Variants in TMEM140 observed in about 807,000 individuals in gnomAD.
TMEM140 encodes transmembrane protein 140.
For synonymous variants in TMEM140, 107 were observed against 106.8 expected (o/e 1.00, Z -0.01); for missense variants, 236 against 228.5 (o/e 1.03, Z -0.21).
intron 1 of TMEM140, among the ~76,000 whole-genome samples, chr7:135,163,698 T>C (rs1038110506): frequency 6.6e-6 from 1 of 152,208 alleles, no homozygotes; most frequent in South Asian, 2.1e-4. Flanking sequence ...CATACTACCA[T>C]TGTCAGGAAA....
chr7:135,157,826 C>A (rs1463528567), intron 1 of TMEM140, among the ~76,000 whole-genome samples: 2 of 152,304 alleles, frequency 1.3e-5, no homozygotes, highest in African/African-American at 4.8e-5. Flanking sequence ...ACCAGGGTGG[C>A]AGCTGCAGCC....
intron 1 of TMEM140, among the ~76,000 whole-genome samples, chr7:135,156,386 T>A (rs557627907): frequency 1.3e-5 from 2 of 152,264 alleles, no homozygotes; most frequent in African/African-American, 4.8e-5. Flanking sequence ...CTCAAAGGCT[T>A]TATTCATTCT....
At chr7:135,155,316 C>A (rs1254916238) in intron 1 of TMEM140, among the ~76,000 whole-genome samples, 1 of 152,118 alleles carries the variant, frequency 6.6e-6, no homozygotes, top group Non-Finnish European at 1.5e-5. Flanking sequence ...AGCATTTAAT[C>A]CATTTACATT....
At position 135,156,032 on chromosome 7, in the gene TMEM140, G is replaced by GT. The variant is rs34544342; in HGVS notation, c.-25+7773dup. Among the ~76,000 whole-genome samples, 322 of 149,208 alleles carry GT rather than the reference G, an allele frequency of 2.2e-3. 2 individuals are homozygous for GT. Among genetic ancestry groups the GT allele is most frequent in the African/African-American group, 6.0e-3 (245 of 40,606 alleles). On this transcript the variant is annotated intron_variant, in intron 1 of 1. Coordinates refer to ENST00000275767, the MANE Select transcript of TMEM140 (RefSeq NM_018295.5). ...AAAATTCTTGGCTGACAGACACACT[G>GT]TTTTTTTTTTTCCCTTTAGCACTTT...
At chr7:135,152,852 G>GT (rs1262488480) in intron 1 of TMEM140, 1 of 152,186 alleles carries the variant, frequency 6.6e-6, no homozygotes, top group Non-Finnish European at 1.5e-5. Flanking sequence ...ATTAAAACAT[G>GT]TAAGTTCCAT....
chr7:135,155,862 A>G (rs895325629), intron 1 of TMEM140, among the ~76,000 whole-genome samples: 2 of 152,220 alleles, frequency 1.3e-5, no homozygotes, highest in Non-Finnish European at 2.9e-5. Flanking sequence ...AAAATAATTA[A>G]TTAAAAACAC....
intron 1 of TMEM140, among the ~76,000 whole-genome samples, chr7:135,164,162 TTAAGA>T (rs1830019600): frequency 6.6e-6 from 1 of 152,248 alleles, no homozygotes; most frequent in Non-Finnish European, 1.5e-5. Flanking sequence ...TTCACTCAGT[TTAAGA>T]TGTTTCACAC....
intron 1 of TMEM140, among the ~76,000 whole-genome samples, chr7:135,155,540 AC>A (rs1367650924): frequency 6.6e-6 from 1 of 152,134 alleles, no homozygotes; most frequent in Non-Finnish European, 1.5e-5. Flanking sequence ...GTGAATATCA[AC>A]CTTTTGGCTG....
chr7:135,148,491 T>A (rs1361576031), intron 1 of TMEM140, among the ~76,000 whole-genome samples: 2 of 152,332 alleles, frequency 1.3e-5, no homozygotes, highest in South Asian at 4.1e-4. Flanking sequence ...GGCATCAACA[T>A]GTGTAGCTCT....
chr7:135,158,697 G>A (rs1304007309), intron 1 of TMEM140, among the ~76,000 whole-genome samples: 1 of 115,800 alleles, frequency 8.6e-6, no homozygotes. Context: ...CAGACAAGCA[G>A]TGTGGAAAAG....
intron 1 of TMEM140, among the ~76,000 whole-genome samples, chr7:135,160,858 T>G (rs1436794187): frequency 6.6e-6 from 1 of 152,180 alleles, no homozygotes; most frequent in Admixed American, 6.5e-5. Context: ...AACCAGAGTG[T>G]GGGCTGAAGG....
At chr7:135,156,090 A>C (rs1437960473) in intron 1 of TMEM140, among the ~76,000 whole-genome samples, 2 of 152,034 alleles carry the variant, frequency 1.3e-5, no homozygotes, top group South Asian at 2.1e-4. Flanking sequence ...CTGGCATGTA[A>C]GAATTCTGCT....
At chr7:135,162,031 C>T (rs1179511603) in intron 1 of TMEM140, among the ~76,000 whole-genome samples, 3 of 152,224 alleles carry the variant, frequency 2.0e-5, no homozygotes, top group Non-Finnish European at 4.4e-5. Flanking sequence ...CCAAAGAAGT[C>T]GCTGGTCAAT....
chr7:135,164,917 C>A lies in TMEM140; in HGVS notation c.476C>A (p.Ala159Asp). Reference sequence around the variant, plus strand: ...TTTCTAGCTCTGGGCAGCGCCCAGGCCTTACTCATCCTCTTGCTTATAGCC... The same window carrying A: ...TTTCTAGCTCTGGGCAGCGCCCAGGACTTACTCATCCTCTTGCTTATAGCC... ...PGFLALGSAQ[A>D]LLILLLIAMA... The change falls in exon 2 of 2, where the codon GCC becomes GAC. Residue 159 changes from alanine (A) to aspartate (D), a missense_variant. Transcript: ENST00000275767. 1 of 1,614,152 alleles carries A rather than the reference C, an allele frequency of 6.2e-7. No individual in the cohort carries two copies. Among genetic ancestry groups the A allele is most frequent in the Non-Finnish European group, 8.5e-7 (1 of 1,179,992 alleles).
Position 135,164,631 on chromosome 7 carries a change from T to A in TMEM140, c.190T>A (p.Cys64Ser), listed in dbSNP as rs1410807960. Residue 64 changes from cysteine to serine, a missense_variant, in exon 2 of 2, where the codon TGT becomes AGT. Physicochemically the swap from Cys to Ser is moderately radical, Grantham distance 112. Coordinates refer to ENST00000275767, the MANE Select transcript of TMEM140 (RefSeq NM_018295.5). ...LWNEDTSTLQ[C>S]HQFPELEALG... is the part of the protein sequence containing the mutation. ...GAATGAGGACACCAGCACCCTACAG[T>A]GTCACCAGTTCCCTGAGCTGGAAGC... 6.2e-7 allele frequency: 1 copy of A among 1,613,704 alleles called. No homozygotes were observed.
At chr7:135,152,372 G>A (rs1263942579) in intron 1 of TMEM140, among the ~76,000 whole-genome samples, 1 of 152,198 alleles carries the variant, frequency 6.6e-6, no homozygotes, top group African/African-American at 2.4e-5. Context: ...AAAGGGCCAG[G>A]CCCCCAGTTA....
Position 135,148,164 on chromosome 7 carries a change from G to A in TMEM140, c.-131G>A, listed in dbSNP as rs947277148. The A allele has an allele frequency of 4.8e-5, 21 of 437,646 alleles. No homozygotes were observed. Among genetic ancestry groups the A allele is most frequent in the Middle Eastern group, 3.3e-4 (1 of 3,032 alleles). The allele number at this position is 437,646 out of a possible 1,614,324, so 27.1% of individuals were successfully genotyped here. ...CATTTCCCTTCCACTCCTCCTTTCTGGAGTCTGACATTAGAAAGCCAGCGA... is the reference window on the plus strand; with the variant it reads ...CATTTCCCTTCCACTCCTCCTTTCTAGAGTCTGACATTAGAAAGCCAGCGA... On this transcript the variant is annotated 5_prime_UTR_variant, in exon 1 of 2. Coordinates refer to ENST00000275767, the MANE Select transcript of TMEM140 (RefSeq NM_018295.5).
chr7:135,164,896 T>C lies in TMEM140; in HGVS notation c.455T>C (p.Leu152Pro). The C allele has an allele frequency of 1.9e-6, 3 of 1,614,248 alleles. No homozygotes were observed. The highest frequency in any genetic ancestry group is 2.5e-6 in the Non-Finnish European group (3 of 1,180,036). The change falls in exon 2 of 2, where the codon CTA becomes CCA. Residue 152 changes from leucine (L) to proline (P), a missense_variant. Physicochemically the swap from Leu to Pro is moderately conservative, Grantham distance 98. Transcript: ENST00000275767. ...VRLSLPGPGF[L>P]ALGSAQALLI... ...CTCTCCCTCCCGGGGCCTGGGTTTC[T>C]AGCTCTGGGCAGCGCCCAGGCCTTA... is the stretch of plus-strand genomic sequence containing the variant.
Position 135,165,216 on chromosome 7 carries a change from C to A in TMEM140, c.*217C>A, listed in dbSNP as rs1244853474. ...CAAGATTGTCTGTCCTTCAGGACTTCCAAGGCTCCCAAAGACTCCCTAAAC... is the reference window on the plus strand; with the variant it reads ...CAAGATTGTCTGTCCTTCAGGACTTACAAGGCTCCCAAAGACTCCCTAAAC... On this transcript the variant is annotated 3_prime_UTR_variant, in exon 2 of 2. Coordinates refer to ENST00000275767, the MANE Select transcript of TMEM140 (RefSeq NM_018295.5). The A allele has an allele frequency of 5.7e-6, 3 of 525,470 alleles. No individual in the cohort carries two copies. The highest frequency in any genetic ancestry group is 1.0e-5 in the Non-Finnish European group (3 of 289,704). 32.6% of individuals were successfully genotyped at this position (525,470 alleles called of 1,614,324 possible).
Sources: allele counts gnomAD v4.1 joint callset (sites outside exome capture counted in the v4.1 genomes callset), GRCh38; gene constraint gnomAD v4.1.1; transcripts MANE v1.5; gene names NCBI Gene and HGNC (gene_info 2026-07-23, HGNC 2026-07-21).